Variants in IKZF3 observed in about 807,000 individuals in gnomAD.
IKZF3 encodes IKAROS family zinc finger 3, also known as zinc finger protein Aiolos.
In IKZF3, 10 loss-of-function variants were observed where a neutral mutation model predicts 49.0. That is an observed-to-expected ratio of 0.20 (90% confidence interval 0.13 to 0.35). IKZF3 has a LOEUF of 0.35. IKZF3 is among the 10% of genes least tolerant of loss of function. The pLI is 1.00. For missense variants in IKZF3, 498 were observed against 664.8 expected, an observed-to-expected ratio of 0.75 and a Z score of 2.76; for synonymous variants, 209 against 228.2, an observed-to-expected ratio of 0.92 and a Z score of 0.76.
At chr17:39,810,844 T>A (rs2061535543) in intron 3 of IKZF3, among the ~76,000 whole-genome samples, 1 of 152,206 alleles carries the variant, frequency 6.6e-6, no homozygotes, top group African/African-American at 2.4e-5. Flanking sequence ...AAATAAGTTA[T>A]GAAAATTTGA....
At chr17:39,778,005 C>G in intron 6 of IKZF3, 5 of 1,189,334 alleles carry the variant, frequency 4.2e-6, no homozygotes, top group Non-Finnish European at 5.2e-6. Flanking sequence ...CATCCCCAAC[C>G]AGTACCTTCA....
At chr17:39,808,309 G>A (rs2061477884) in intron 3 of IKZF3, among the ~76,000 whole-genome samples, 1 of 152,016 alleles carries the variant, frequency 6.6e-6, no homozygotes. Flanking sequence ...AAAAACACAA[G>A]GGCACCCGCT....
At chr17:39,855,811 T>G (rs999511367) in intron 1 of IKZF3, among the ~76,000 whole-genome samples, 2 of 152,196 alleles carry the variant, frequency 1.3e-5, no homozygotes, top group African/African-American at 4.8e-5. Context: ...TAAGTAATCT[T>G]TGCTTCAAAG....
intron 3 of IKZF3, among the ~76,000 whole-genome samples, chr17:39,817,609 C>T (rs1213635364): frequency 6.6e-6 from 1 of 152,138 alleles, no homozygotes; most frequent in Non-Finnish European, 1.5e-5. Flanking sequence ...GGGCCTAACT[C>T]TAGTCTTAAA....
At chr17:39,814,170 G>T (rs970425962) in intron 3 of IKZF3, among the ~76,000 whole-genome samples, 1 of 152,144 alleles carries the variant, frequency 6.6e-6, no homozygotes, top group African/African-American at 2.4e-5. Flanking sequence ...AGGGGAAGAA[G>T]AATTATTTTT....
intron 3 of IKZF3, among the ~76,000 whole-genome samples, chr17:39,816,268 TA>T (rs1380450465): frequency 5.3e-5 from 8 of 152,250 alleles, no homozygotes; most frequent in Non-Finnish European, 1.2e-4. Flanking sequence ...TAGTGATATA[TA>T]TTTTTCTGAT....
In IKZF3 at chr17:39,765,945, C is replaced by T. The variant is rs149299224; in HGVS notation, c.1375G>A (p.Val459Ile). 2.7e-4 allele frequency: 433 copies of T among 1,614,186 alleles called. 2 individuals carry two copies. Among genetic ancestry groups the T allele is most frequent in the South Asian group, 2.5e-4 (23 of 91,082 alleles). Residue 459 changes from valine (V) to isoleucine (I), a missense_variant, in exon 8 of 8, where the codon GTC becomes ATC. By Grantham distance (29) the Val-to-Ile change is conservative. Around this residue, in one of 3 missense-constraint regions of IKZF3, gnomAD observed 317 missense variants for 397.3 expected, o/e 0.80. Transcript: ENST00000346872. ...MDVYRCDHCRVLFLDYVMFTI... is the reference protein window; with the variant it reads ...MDVYRCDHCRILFLDYVMFTI... ...AACATCACATAGTCCAGGAAGAGGA[C>T]GCGGCAGTGGTCACACCGATACACA...
At chr17:39,793,157 AT>A (rs568931882) in intron 3 of IKZF3, among the ~76,000 whole-genome samples, 192 of 152,334 alleles carry the variant, frequency 1.3e-3, no homozygotes, top group African/African-American at 4.5e-3. Context: ...AAAATAGACG[AT>A]AGTGTTTTAG....
chr17:39,798,319 A>T (rs1227607183), intron 3 of IKZF3, among the ~76,000 whole-genome samples: 6 of 152,178 alleles, frequency 3.9e-5, no homozygotes, highest in Non-Finnish European at 7.3e-5. Context: ...ACTGCCAACA[A>T]AATAAAGTCC....
chr17:39,796,312 T>A (rs1598033312), intron 3 of IKZF3, among the ~76,000 whole-genome samples: 1 of 152,200 alleles, frequency 6.6e-6, no homozygotes, highest in Admixed American at 6.5e-5. Context: ...TTGCTTCTAA[T>A]TTATGACTTA....
At chr17:39,829,362 G>GT in intron 3 of IKZF3, 25 bp downstream of exon 3, 1 of 1,514,826 alleles carries the variant, frequency 6.6e-7, no homozygotes, top group Non-Finnish European at 9.2e-7. Flanking sequence ...AGGCATCAGT[G>GT]TTTAGTCTGC....
chr17:39,784,905 G>A (rs1427921674), intron 6 of IKZF3, among the ~76,000 whole-genome samples: 1 of 152,180 alleles, frequency 6.6e-6, no homozygotes, highest in Admixed American at 6.5e-5. Context: ...CCATCTGCTT[G>A]CTTCTAGAAA....
At chr17:39,845,950 A>T (rs1045262818) in intron 1 of IKZF3, among the ~76,000 whole-genome samples, 1 of 152,244 alleles carries the variant, frequency 6.6e-6, no homozygotes, top group Non-Finnish European at 1.5e-5. Flanking sequence ...ATGAACATAC[A>T]TGTATGTATA....
At chr17:39,857,824 G>A (rs544862678) in intron 1 of IKZF3, among the ~76,000 whole-genome samples, 1 of 151,964 alleles carries the variant, frequency 6.6e-6, no homozygotes, top group African/African-American at 2.4e-5. Context: ...AGTTACCACC[G>A]ATTATAAAAA....
intron 3 of IKZF3, among the ~76,000 whole-genome samples, chr17:39,807,256 G>C (rs544372409): frequency 9.9e-5 from 15 of 151,978 alleles, no homozygotes; most frequent in Non-Finnish European, 2.2e-4. Context: ...AACAATTCTA[G>C]GTATCTGCTC....
intron 1 of IKZF3, among the ~76,000 whole-genome samples, chr17:39,832,589 A>G (rs2062143564): frequency 6.6e-6 from 1 of 152,040 alleles, no homozygotes; most frequent in South Asian, 2.1e-4. Context: ...AGCAATATGG[A>G]TGGAGCTGGA....
At chr17:39,859,351 C>T (rs1429448453) in intron 1 of IKZF3, among the ~76,000 whole-genome samples, 1 of 150,276 alleles carries the variant, frequency 6.7e-6, no homozygotes, top group African/African-American at 2.5e-5. Flanking sequence ...TTTTAGTGAT[C>T]CAAAAGGCCT....
chr17:39,769,980 A>C lies in IKZF3; in HGVS notation c.827-3487T>G, dbSNP rs2143618042. 1.3e-5 allele frequency among the ~76,000 whole-genome samples: 2 copies of C among 152,306 alleles called. 1 individual carries two copies. Among genetic ancestry groups the C allele is most frequent in the Middle Eastern group, 6.8e-3 (2 of 294 alleles). ...TGACTGAATTCTGTAGTTAACACAG[A>C]CCATTGTTCATTGTTAAGGAGATGG... On this transcript the variant is annotated intron_variant, in intron 7 of 7. Transcript: ENST00000346872.
intron 7 of IKZF3, among the ~76,000 whole-genome samples, chr17:39,767,978 G>A (rs1178471343): frequency 6.6e-6 from 1 of 152,112 alleles, no homozygotes; most frequent in Non-Finnish European, 1.5e-5. Context: ...CCTGAGCCTG[G>A]GAGGCAGAGA....
Sources: gnomAD v4.1 joint callset for allele counts (sites outside exome capture counted in the v4.1 genomes callset) on GRCh38, gnomAD v4.1.1 for gene constraint, gnomAD v4.1.1 regional missense constraint, MANE v1.5 for transcripts, NCBI Gene and HGNC (gene_info 2026-07-23, HGNC 2026-07-21) for gene names.